Variants in SYNE1 observed in about 807,000 individuals in gnomAD.
The protein encoded by SYNE1 is spectrin repeat containing nuclear envelope protein 1.
Under a neutral mutation model 1,111.0 loss-of-function variants are expected in SYNE1, and 616 were observed. The observed-to-expected ratio is 0.55, with a 90% CI of 0.52 to 0.59. The LOEUF (loss-of-function observed/expected upper bound fraction) is 0.59. Among genes scored for constraint, SYNE1 ranks in the 20% least tolerant of loss-of-function variants. SYNE1 has a pLI of 0.00. For missense variants in SYNE1, 10,006 were observed against 10,417.0 expected, an observed-to-expected ratio of 0.96 and a Z score of 1.72; for synonymous variants, 3,855 against 3,825.8, an observed-to-expected ratio of 1.01 and a Z score of -0.28.
chr6:152,606,643 T>TTTTA (rs1555002242), intron 3 of SYNE1, among the ~76,000 whole-genome samples: 1 of 137,292 alleles, frequency 7.3e-6, no homozygotes, highest in East Asian at 2.1e-4. Context: ...TTCTGAGTTT[T>TTTTA]TTTGTTTGTT....
Position 152,318,052 on chromosome 6 carries a change from G to A in SYNE1, c.16572+29C>T, listed in dbSNP as rs758711331. The A allele has an allele frequency of 5.6e-6, 9 of 1,613,880 alleles. No homozygotes were observed. In the Admixed American group the frequency reaches 6.7e-5, roughly 12 times the overall value. On this transcript the variant is annotated intron_variant, in intron 86 of 145. Coordinates refer to ENST00000367255, the MANE Select transcript of SYNE1 (RefSeq NM_182961.4). ...GAACATGGAAGTTTCTGCCTTACAC[G>A]ATTTGGATTTCTGGCCCGGAACACA... is the stretch of plus-strand genomic sequence containing the variant.
At position 152,190,568 on chromosome 6, in the gene SYNE1, T is replaced by C. The variant is rs116696735; in HGVS notation, c.23146-1161A>G. 5.1e-3 allele frequency among the ~76,000 whole-genome samples: 772 copies of C among 152,372 alleles called. 8 individuals are homozygous for C. Among genetic ancestry groups the C allele is most frequent in the African/African-American group, 0.017 (720 of 41,592 alleles). On this transcript the variant is annotated intron_variant, in intron 127 of 145. Transcript: ENST00000367255. ...TATTCATCACCTGAAGCATTTATCC[T>C]TTGTGTTACAAACAATCCATTTATA...
rs748682472 is a variant in SYNE1, at chr6:152,180,238, A to G, written c.23358T>C (p.Ser7786=). Reference sequence around the variant, plus strand: ...ACTCACAGAGTTCCTTGTTCTTTTCACTGAAGACTGCCCATTCATTCAATC... The same window carrying G: ...ACTCACAGAGTTCCTTGTTCTTTTCGCTGAAGACTGCCCATTCATTCAATC... ...GERLNEWAVF[S]EKNKELCEWL... is the part of the protein sequence containing the mutation. The change falls in exon 129 of 146, where the codon AGT becomes AGC. Residue 7786 remains serine, a synonymous_variant. Coordinates refer to ENST00000367255, the MANE Select transcript of SYNE1 (RefSeq NM_182961.4). The G allele has an allele frequency of 4.3e-6, 7 of 1,614,112 alleles. No homozygotes were observed. The highest frequency in any genetic ancestry group is 5.9e-6 in the Non-Finnish European group (7 of 1,179,996).
intron 108 of SYNE1, among the ~76,000 whole-genome samples, chr6:152,237,306 CTTTTTT>C (rs61142738): frequency 8.4e-6 from 1 of 119,668 alleles, no homozygotes; most frequent in Non-Finnish European, 1.7e-5. Flanking sequence ...TGGGTATGCA[CTTTTTT>C]TTTTTTTTTT....
At chr6:152,422,934 A>C (rs6935911) in intron 39 of SYNE1, among the ~76,000 whole-genome samples, 30,575 of 152,194 alleles carry the variant, frequency 0.2, 3,379 homozygotes, top group East Asian at 0.37. Flanking sequence ...TTACTCCAAA[A>C]TATATTTCTT....
intron 4 of SYNE1, among the ~76,000 whole-genome samples, chr6:152,538,901 C>T (rs2099256666): frequency 6.6e-6 from 1 of 152,140 alleles, no homozygotes; most frequent in Non-Finnish European, 1.5e-5. Flanking sequence ...GGATTGCAAG[C>T]TTCTCGGGGC....
intron 21 of SYNE1, among the ~76,000 whole-genome samples, chr6:152,460,297 C>A (rs972067936): frequency 6.6e-6 from 1 of 151,994 alleles, no homozygotes; most frequent in Non-Finnish European, 1.5e-5. Context: ...TTGCCCACAA[C>A]CTTTAAATTA....
Position 152,293,596 on chromosome 6 carries a change from C to T in SYNE1, c.18004G>A (p.Glu6002Lys), listed in dbSNP as rs1589456322. Reference sequence around the variant, plus strand: ...GTCATGGCTATTTGTACCTGATGTTCAGCCATCTGGCTTTCTGGACTCCTG... The same window carrying T: ...GTCATGGCTATTTGTACCTGATGTTTAGCCATCTGGCTTTCTGGACTCCTG... ...PGRSPESQMA[E>K]HQALMDEILM... The change falls in exon 95 of 146, where the codon GAA (glutamate) becomes AAA (lysine). Residue 6002 changes from glutamate (E) to lysine (K), a missense_variant. Glu to Lys is a moderately conservative substitution (Grantham distance 56). This residue lies in a region of SYNE1 where 4,955 missense variants were observed against 5,017.2 expected (regional missense o/e 0.99). Transcript: ENST00000367255. The T allele has an allele frequency of 5.6e-6, 9 of 1,614,058 alleles. No individual in the cohort carries two copies. The highest frequency in any genetic ancestry group is 1.1e-5 in the South Asian group (1 of 91,056).
At position 152,612,766 on chromosome 6, in the gene SYNE1, G is replaced by A. The variant is rs910747795; in HGVS notation, c.67+15499C>T. Among the ~76,000 whole-genome samples, 54 of 152,058 alleles carry A rather than the reference G, an allele frequency of 3.6e-4. 1 individual carries two copies. Among genetic ancestry groups the A allele is most frequent in the African/African-American group, 9.7e-5 (4 of 41,398 alleles). ...ATCCTCAGTAAAATACTGGCAAACC[G>A]AATCCAGCATCCCATCAAAAAGCTT... On this transcript the variant is annotated intron_variant, in intron 3 of 145. Coordinates refer to ENST00000367255, the MANE Select transcript of SYNE1 (RefSeq NM_182961.4).
intron 97 of SYNE1, among the ~76,000 whole-genome samples, chr6:152,281,328 C>T (rs977081756): frequency 2.0e-5 from 3 of 152,206 alleles, no homozygotes; most frequent in African/African-American, 7.2e-5. Flanking sequence ...AAAACACATT[C>T]TCTGCTCCAA....
chr6:152,294,860 A>G (rs947332202), intron 93 of SYNE1, among the ~76,000 whole-genome samples: 2 of 152,226 alleles, frequency 1.3e-5, no homozygotes, highest in African/African-American at 4.8e-5. Flanking sequence ...GAGATATAGT[A>G]AAGATGGTTT....
At chr6:152,126,483 A>G (rs900698718) in intron 145 of SYNE1, 14 of 152,368 alleles carry the variant, frequency 9.2e-5, no homozygotes, top group Admixed American at 1.3e-4. Flanking sequence ...GTCTTATTAC[A>G]TACATGGATG....
Position 152,213,629 on chromosome 6 carries a change from G to A in SYNE1, c.22477C>T (p.Gln7493Ter). ...CAACTTACCTCGTGTGCTCTCTGCT[G>A]TTCCAAAAGGTGCTGATAATTTCCT... The part of the protein sequence containing the change: ...ISGNYQHLLE[Q>*]QRAHELFQAE... The change falls in exon 123 of 146, where the codon CAG (glutamine) becomes TAG (stop). Residue 7493 changes from glutamine (Q) to a stop codon, truncating the protein, a stop_gained. Transcript: ENST00000367255. LOFTEE classifies it high-confidence loss of function. 1 of 1,614,018 alleles carries A rather than the reference G, an allele frequency of 6.2e-7. No individual in the cohort carries two copies. The highest frequency in any genetic ancestry group is 1.1e-5 in the South Asian group (1 of 91,078).
At chr6:152,559,522 C>T (rs1403273120) in intron 3 of SYNE1, among the ~76,000 whole-genome samples, 1 of 151,962 alleles carries the variant, frequency 6.6e-6, no homozygotes, top group Non-Finnish European at 1.5e-5. Flanking sequence ...GGAAATTAAA[C>T]AATTCATTGA....
chr6:152,308,722 C>G, intron 90 of SYNE1, 90 bp from the exon 91 acceptor site: 1 of 1,394,580 alleles, frequency 7.2e-7, no homozygotes, highest in Non-Finnish European at 9.7e-7. Context: ...CTCCTATTTA[C>G]CTGTACAGGT....
intron 130 of SYNE1, among the ~76,000 whole-genome samples, chr6:152,175,436 TA>T (rs1433452394): frequency 1.3e-5 from 2 of 152,230 alleles, no homozygotes; most frequent in Admixed American, 6.5e-5. Flanking sequence ...GCAGCACGGC[TA>T]AGGAAAGAAA....
At chr6:152,169,438 T>C (rs920973365) in intron 130 of SYNE1, among the ~76,000 whole-genome samples, 1 of 151,332 alleles carries the variant, frequency 6.6e-6, no homozygotes, top group Non-Finnish European at 1.5e-5. Flanking sequence ...GGCGGGCACC[T>C]GTAGTCCCAG....
chr6:152,365,477 A>G (rs1204747942), intron 62 of SYNE1, among the ~76,000 whole-genome samples: 1 of 152,086 alleles, frequency 6.6e-6, no homozygotes, highest in African/African-American at 2.4e-5. Flanking sequence ...TGCTTTTTTT[A>G]GAGACAGAGT....
intron 4 of SYNE1, among the ~76,000 whole-genome samples, chr6:152,527,697 T>A (rs1293474794): frequency 6.6e-6 from 1 of 152,118 alleles, no homozygotes; most frequent in Non-Finnish European, 1.5e-5. Flanking sequence ...AGTGAGCAAA[T>A]GCAAATAAAA....
Sources: gnomAD v4.1 joint callset for allele counts (sites outside exome capture counted in the v4.1 genomes callset) on GRCh38, gnomAD v4.1.1 for gene constraint, gnomAD v4.1.1 regional missense constraint, MANE v1.5 for transcripts, NCBI Gene and HGNC (gene_info 2026-07-23, HGNC 2026-07-21) for gene names.